DNAH14: variants seen among roughly 807,000 people sequenced by gnomAD.
DNAH14 encodes the protein dynein axonemal heavy chain 14.
In DNAH14, 478 loss-of-function variants were observed where a neutral mutation model predicts 520.9. The observed-to-expected ratio is 0.92, with a 90% confidence interval of 0.85 to 0.99. The LOEUF is 0.99. Among genes scored for constraint, DNAH14 ranks in the 50% least tolerant of loss-of-function variants. DNAH14 has a pLI of 0.00. For missense variants in DNAH14, 4,831 were observed against 5,234.5 expected (o/e 0.92, Z 2.38); for synonymous variants, 1,581 against 1,757.2 (o/e 0.90, Z 2.51).
chr1:225,135,487 G>GT (rs2078870418), intron 27 of DNAH14, among the ~76,000 whole-genome samples: 1 of 152,154 alleles, frequency 6.6e-6, no homozygotes, highest in Non-Finnish European at 1.5e-5. Flanking sequence ...TTAATCTTGA[G>GT]TTCTAATTTG....
At chr1:225,230,930 T>G in intron 41 of DNAH14, 143 bp from the exon 42 acceptor site, 1 of 548,906 alleles carries the variant, frequency 1.8e-6, no homozygotes, top group Non-Finnish European at 3.2e-6. Flanking sequence ...TTTGATAAGT[T>G]AATTCTCAGA....
chr1:225,022,814 T>C (rs556966289), intron 10 of DNAH14, among the ~76,000 whole-genome samples: 4 of 152,306 alleles, frequency 2.6e-5, no homozygotes, highest in Admixed American at 2.0e-4. Flanking sequence ...GCAGCACTAT[T>C]CACAATAGCA....
At chr1:224,938,169 T>C (rs1448736759) in intron 1 of DNAH14, among the ~76,000 whole-genome samples, 1 of 152,048 alleles carries the variant, frequency 6.6e-6, no homozygotes, top group Non-Finnish European at 1.5e-5. Context: ...TCAAAAGCAC[T>C]GACAACCAAA....
intron 72 of DNAH14, among the ~76,000 whole-genome samples, chr1:225,352,440 C>T (rs2095378359): frequency 6.6e-6 from 1 of 152,070 alleles, no homozygotes; most frequent in Non-Finnish European, 1.5e-5. Context: ...ATAACATAAA[C>T]ATCCTTATAC....
At chr1:225,161,865 C>T (rs1397697880) in intron 35 of DNAH14, among the ~76,000 whole-genome samples, 1 of 152,128 alleles carries the variant, frequency 6.6e-6, no homozygotes, top group African/African-American at 2.4e-5. Context: ...TAGATTTGCT[C>T]CTATAGAATT....
intron 8 of DNAH14, among the ~76,000 whole-genome samples, chr1:224,998,380 C>T (rs527810140): frequency 1.2e-4 from 18 of 152,136 alleles, no homozygotes; most frequent in African/African-American, 2.9e-4. Context: ...TTATTGATTT[C>T]GCAATGCCTC....
At position 225,042,922 on chromosome 1, in the gene DNAH14, G is replaced by A. The variant is rs1312634303; in HGVS notation, c.1576G>A (p.Glu526Lys). Residue 526 changes from glutamate to lysine, a missense_variant, in exon 13 of 86, where the codon GAG (glutamate) becomes AAG (lysine). Coordinates refer to ENST00000682510, the MANE Select transcript of DNAH14 (RefSeq NM_001367479.1). ...AAATCTATGCTTGAGAATTCCTGCTGAGAGTGATTCTTCAGAAAATTCTAA... is the reference window on the plus strand; with the variant it reads ...AAATCTATGCTTGAGAATTCCTGCTAAGAGTGATTCTTCAGAAAATTCTAA... ...EVNLCLRIPA[E>K]SDSSENSKEN... The A allele has an allele frequency of 2.8e-5, 44 of 1,551,588 alleles. No homozygotes were observed. Among genetic ancestry groups the A allele is most frequent in the Non-Finnish European group, 3.5e-5 (40 of 1,146,986 alleles).
rs750821351 is a variant in DNAH14, at chr1:225,273,025, T to C, written c.7910T>C (p.Val2637Ala). ...NSKEMAALLF[V>A]HEATRVFHDR... is the part of the protein sequence containing the mutation. ...AAAGAGATGGCTGCTCTGCTCTTTG[T>C]TCATGAAGCCACCCGAGTATTTCAC... The change falls in exon 52 of 86, where the codon GTT becomes GCT. Residue 2637 changes from valine (V) to alanine (A), a missense_variant. By Grantham distance (64) the Val-to-Ala change is moderately conservative. Transcript: ENST00000682510. The C allele has an allele frequency of 2.6e-6, 4 of 1,551,658 alleles. No homozygotes were observed. The South Asian group carries it at 4.8e-5, about 18-fold the overall frequency.
chr1:224,990,980 T>G (rs1328644240), intron 8 of DNAH14, among the ~76,000 whole-genome samples: 2 of 151,972 alleles, frequency 1.3e-5, no homozygotes, highest in Non-Finnish European at 2.9e-5. Flanking sequence ...TTTTTGATAG[T>G]AGACTTTTGG....
intron 16 of DNAH14, 93 bp downstream of exon 16, chr1:225,050,469 A>G: frequency 7.7e-7 from 1 of 1,297,034 alleles, no homozygotes; most frequent in Non-Finnish European, 1.0e-6. Context: ...AAATTAGGGT[A>G]TCCTATTCAT....
rs2095674012 is a variant in DNAH14, at chr1:225,374,714, CCT to C, written c.12346_12347del (p.Leu4116GlufsTer26). The C allele has an allele frequency of 7.8e-6, 12 of 1,548,290 alleles. No homozygotes were observed. The highest frequency in any genetic ancestry group is 8.7e-6 in the Non-Finnish European group (10 of 1,144,892). On this transcript the variant is annotated frameshift_variant, in exon 78 of 86. Transcript: ENST00000682510. LOFTEE classifies it high-confidence loss of function. ...GVAIKVLENS[L>X]RGQPSISWQA... ...TTGCCATTAAGGTGTTGGAAAATTC[CCT>C]GAGAGGACAGCCCAGCATTTCGTGG...
intron 23 of DNAH14, among the ~76,000 whole-genome samples, chr1:225,105,723 G>C (rs1305868833): frequency 1.3e-5 from 2 of 151,882 alleles, no homozygotes; most frequent in African/African-American, 2.4e-5. Context: ...GCCCTTTTTT[G>C]TTTTCCATTT....
At chr1:225,291,769 T>G (rs1444394705) in intron 55 of DNAH14, among the ~76,000 whole-genome samples, 2 of 152,236 alleles carry the variant, frequency 1.3e-5, no homozygotes, top group Non-Finnish European at 2.9e-5. Context: ...ATAGCCATCC[T>G]GACTGGGGAG....
At chr1:225,047,790 G>A (rs2068096725) in intron 15 of DNAH14, among the ~76,000 whole-genome samples, 1 of 152,152 alleles carries the variant, frequency 6.6e-6, no homozygotes, top group African/African-American at 2.4e-5. Context: ...GTCCAAACTT[G>A]TTTTCTAAAG....
intron 43 of DNAH14, among the ~76,000 whole-genome samples, chr1:225,248,365 GAC>G (rs2092398142): frequency 1.3e-5 from 2 of 152,080 alleles, no homozygotes; most frequent in African/African-American, 4.8e-5. Context: ...TTATTAAAAA[GAC>G]AAAATCAAAA....
intron 77 of DNAH14, among the ~76,000 whole-genome samples, chr1:225,370,145 T>G (rs917519889): frequency 6.6e-6 from 1 of 151,996 alleles, no homozygotes; most frequent in Non-Finnish European, 1.5e-5. Flanking sequence ...AAAATTAGCC[T>G]GGCGTGGTGG....
chr1:225,256,634 T>A (rs1286464243), intron 44 of DNAH14, among the ~76,000 whole-genome samples: 3 of 152,104 alleles, frequency 2.0e-5, no homozygotes, highest in Non-Finnish European at 4.4e-5. Context: ...CTTCCTAAAT[T>A]AATCCATGAA....
chr1:224,997,554 T>A (rs1250708060), intron 8 of DNAH14, among the ~76,000 whole-genome samples: 1 of 152,126 alleles, frequency 6.6e-6, no homozygotes, highest in Non-Finnish European at 1.5e-5. Flanking sequence ...TGTGAATAGT[T>A]GCTAGTTGAA....
chr1:225,130,019 G>A (rs532736071), intron 27 of DNAH14, among the ~76,000 whole-genome samples: 1 of 152,272 alleles, frequency 6.6e-6, no homozygotes, highest in African/African-American at 2.4e-5. Context: ...GATATGAACA[G>A]ACACTTCTCA....
Sources: gnomAD v4.1 joint callset for allele counts (sites outside exome capture counted in the v4.1 genomes callset) on GRCh38, gnomAD v4.1.1 for gene constraint, MANE v1.5 for transcripts, NCBI Gene and HGNC (gene_info 2026-07-23, HGNC 2026-07-21) for gene names.